Variants in KCNC1 observed in about 807,000 individuals in gnomAD.
The protein encoded by KCNC1 is potassium voltage-gated channel subfamily C member 1.
Under a neutral mutation model 43.4 loss-of-function variants are expected in KCNC1, and 8 were observed. The observed-to-expected ratio is 0.18, with a 90% CI of 0.11 to 0.33. The LOEUF (loss-of-function observed/expected upper bound fraction) is 0.33. Among genes scored for constraint, KCNC1 ranks in the 10% least tolerant of loss-of-function variants. The pLI is 1.00. For synonymous variants in KCNC1, 361 were observed against 360.5 expected, an observed-to-expected ratio of 1.00 and a Z score of -0.01; for missense variants, 420 against 836.0, an observed-to-expected ratio of 0.50 and a Z score of 6.14.
Position 17,773,113 on chromosome 11 carries a change from G to T in KCNC1, c.1504+515G>T. ...GGTCCCTTGCAAAGGCAGGTGCAAG[G>T]GTTCTCACCCCCGGCAGAGCCTGTC... On this transcript the variant is annotated intron_variant, in intron 2 of 3. Transcript: ENST00000265969. The surrounding 1 kb of genome is among the most constrained non-coding windows in gnomAD (Gnocchi z 4.1). 3 of 991,278 alleles carry T rather than the reference G, an allele frequency of 3.0e-6. No homozygotes were observed. Among genetic ancestry groups the T allele is most frequent in the Non-Finnish European group, 3.6e-6 (3 of 833,848 alleles). The allele number at this position is 991,278 out of a possible 1,614,324, so 61.4% of individuals were successfully genotyped here.
chr11:17,777,898 G>A lies in KCNC1; in HGVS notation c.1505-1558G>A, dbSNP rs1045156412. ...AATCCCACCCACGTGCACGCCCAGCGTGTGCACGTGGGGAAGGATCACTTC... is the reference window on the plus strand; with the variant it reads ...AATCCCACCCACGTGCACGCCCAGCATGTGCACGTGGGGAAGGATCACTTC... On this transcript the variant is annotated intron_variant, in intron 2 of 3. Transcript: ENST00000265969. The surrounding 1 kb of genome is among the most constrained non-coding windows in gnomAD (Gnocchi z 4.3). 4.7e-5 allele frequency: 45 copies of A among 959,556 alleles called. 1 individual carries two copies. In the South Asian group the frequency reaches 6.3e-4, roughly 13 times the overall value. 59.4% of individuals were successfully genotyped at this position (959,556 alleles called of 1,614,324 possible).
intron 1 of KCNC1, among the ~76,000 whole-genome samples, chr11:17,762,405 G>A (rs1283738334): frequency 2.0e-5 from 3 of 152,212 alleles, no homozygotes; most frequent in Non-Finnish European, 4.4e-5. Context: ...AGGCTCAGCG[G>A]TGTGTCTGAA....
chr11:17,772,453 A>T lies in KCNC1; in HGVS notation c.1359A>T (p.Pro453=), dbSNP rs1325438274. The change falls in exon 2 of 4, where the codon CCA becomes CCT. Residue 453 remains proline (P), a synonymous_variant. Coordinates refer to ENST00000265969, the MANE Select transcript of KCNC1 (RefSeq NM_001112741.2). ...TAGCCATGGCTAAGCAGAAACTACC[A>T]AAGAAAAAAAAGAAGCATATTCCGC... ...YSLAMAKQKL[P]KKKKKHIPRP... 3.1e-6 allele frequency: 5 copies of T among 1,614,206 alleles called. No individual in the cohort carries two copies. The highest frequency in any genetic ancestry group is 4.2e-6 in the Non-Finnish European group (5 of 1,180,046).
At chr11:17,745,451 C>G (rs895529469) in intron 1 of KCNC1, among the ~76,000 whole-genome samples, 4 of 152,216 alleles carry the variant, frequency 2.6e-5, no homozygotes, top group African/African-American at 7.2e-5. Context: ...CAGCTACCCC[C>G]CCGTGGAAGC....
At position 17,739,410 on chromosome 11, in the gene KCNC1, G is replaced by A. The variant is rs1329161481; in HGVS notation, c.570+2838G>A. On this transcript the variant is annotated intron_variant, in intron 1 of 3. Coordinates refer to ENST00000265969, the MANE Select transcript of KCNC1 (RefSeq NM_001112741.2). The surrounding 1 kb of genome is among the most constrained non-coding windows in gnomAD (Gnocchi z 4.2). ...GTGTGTGTGTGTGTGGTGAGACTGC[G>A]ACTCTGTGCGAGCTTCCTGAGTCCT... 3.4e-5 allele frequency among the ~76,000 whole-genome samples: 5 copies of A among 148,196 alleles called. No homozygotes were observed. Among genetic ancestry groups the A allele is most frequent in the African/African-American group, 7.5e-5 (3 of 40,198 alleles).
At chr11:17,745,142 G>A (rs1194869602) in intron 1 of KCNC1, among the ~76,000 whole-genome samples, 10 of 152,184 alleles carry the variant, frequency 6.6e-5, no homozygotes, top group Non-Finnish European at 1.5e-5. Context: ...GAGAAGTGCT[G>A]ATGCAGGCAG....
chr11:17,777,788 A>G lies in KCNC1; in HGVS notation c.1505-1668A>G. 3 of 986,140 alleles carry G rather than the reference A, an allele frequency of 3.0e-6. No homozygotes were observed. Among genetic ancestry groups the G allele is most frequent in the Non-Finnish European group, 3.6e-6 (3 of 829,982 alleles). 61.1% of individuals were successfully genotyped at this position (986,140 alleles called of 1,614,324 possible). On this transcript the variant is annotated intron_variant, in intron 2 of 3. Transcript: ENST00000265969. The surrounding 1 kb of genome is among the most constrained non-coding windows in gnomAD (Gnocchi z 4.3). The stretch of plus-strand genomic sequence containing the variant: ...CAAAATTATGATGGGATTTTTTTGG[A>G]TTTGCTTTACGAATAAATCTGATTG...
chr11:17,766,967 C>CAA (rs33931057), intron 1 of KCNC1, among the ~76,000 whole-genome samples: 97,476 of 133,102 alleles, frequency 0.73, 35,851 homozygotes, highest in East Asian at 0.97. Flanking sequence ...TAAAAAATAC[C>CAA]AAAAAAAAAA....
intron 1 of KCNC1, among the ~76,000 whole-genome samples, chr11:17,755,881 A>G (rs1336426955): frequency 2.0e-5 from 3 of 152,178 alleles, no homozygotes; most frequent in African/African-American, 7.2e-5. Context: ...TGGGTTAACC[A>G]CTAAGGATGT....
At chr11:17,748,156 G>A (rs1003447844) in intron 1 of KCNC1, among the ~76,000 whole-genome samples, 1 of 152,072 alleles carries the variant, frequency 6.6e-6, no homozygotes, top group African/African-American at 2.4e-5. Flanking sequence ...AGCCCAGGGC[G>A]CACTGGAGTG....
rs562425039 is a variant in KCNC1 at position 17,742,816 on chromosome 11, G to A, written c.570+6244G>A. On this transcript the variant is annotated intron_variant, in intron 1 of 3. Coordinates refer to ENST00000265969, the MANE Select transcript of KCNC1 (RefSeq NM_001112741.2). The surrounding 1 kb of genome is among the most constrained non-coding windows in gnomAD (Gnocchi z 4.2). ...CACAGCCTAGGCCTCTGGTCCCAGGGCCTGACCATCTGAATTTCTTTTGGC... is the reference window on the plus strand; with the variant it reads ...CACAGCCTAGGCCTCTGGTCCCAGGACCTGACCATCTGAATTTCTTTTGGC... Among the ~76,000 whole-genome samples, 2 of 152,336 alleles carry A rather than the reference G, an allele frequency of 1.3e-5. No individual in the cohort carries two copies. Among genetic ancestry groups the A allele is most frequent in the South Asian group, 4.1e-4 (2 of 4,824 alleles).
At position 17,735,725 on chromosome 11, in the gene KCNC1, C is replaced by G. The variant is rs1450398374; in HGVS notation, c.-278C>G. ...CCTCCCTTTCTCCCTCCCTTCTTTC[C>G]TCCTCTGCCTCCTCCGCTGCCGGAC... On this transcript the variant is annotated 5_prime_UTR_variant, in exon 1 of 4. Transcript: ENST00000265969. This position sits in a 1 kb window ranked among gnomAD's most constrained non-coding sequence, Gnocchi z 6.7. The G allele has an allele frequency of 5.6e-6, 1 of 177,350 alleles. No homozygotes were observed. Among genetic ancestry groups the G allele is most frequent in the African/African-American group, 2.5e-5 (1 of 40,418 alleles). The allele number at this position is 177,350 out of a possible 1,614,324, so 11.0% of individuals were successfully genotyped here.
chr11:17,779,464 C>A lies in KCNC1; in HGVS notation c.1513C>A (p.Leu505Met). The A allele has an allele frequency of 5.2e-6, 8 of 1,545,144 alleles. No individual in the cohort carries two copies. The highest frequency in any genetic ancestry group is 7.0e-6 in the Non-Finnish European group (8 of 1,144,380). The change falls in exon 3 of 4, where the codon CTG becomes ATG. Residue 505 changes from leucine to methionine, a missense_variant. Around this residue, in one of 5 missense-constraint regions of KCNC1, gnomAD observed 147 missense variants for 176.1 expected, o/e 0.83. Coordinates refer to ENST00000265969, the MANE Select transcript of KCNC1 (RefSeq NM_001112741.2). This position sits in a 1 kb window ranked among gnomAD's most constrained non-coding sequence, Gnocchi z 7.2. ...TGCTTATATGTTTGAAGATTCCAAA[C>A]TGAATGGGGAGGTGGCGAAGGCCGC... ...ILEINRADSK[L>M]NGEVAKAALA...
chr11:17,772,243 C>T lies in KCNC1; in HGVS notation c.1149C>T (p.His383=), dbSNP rs555654219. 32 of 1,614,152 alleles carry T rather than the reference C, an allele frequency of 2.0e-5. 1 individual carries two copies. In the South Asian group the frequency reaches 3.2e-4, roughly 16 times the overall value. Residue 383 remains histidine (H), a synonymous_variant, in exon 2 of 4, where the codon CAC becomes CAT. Transcript: ENST00000265969. ...PNDPSASEHT[H]FKNIPIGFWW... is the part of the protein sequence containing the mutation. ...ACCCCAGCGCCAGTGAGCACACGCA[C>T]TTTAAGAACATCCCCATCGGCTTCT... is the stretch of plus-strand genomic sequence containing the variant.
At chr11:17,765,842 G>A (rs1031674618) in intron 1 of KCNC1, 8 of 152,356 alleles carry the variant, frequency 5.3e-5, no homozygotes, top group Non-Finnish European at 8.8e-5. Context: ...TCCTGGGTGT[G>A]GTGGGACTCA....
chr11:17,755,644 G>C (rs2133791508), intron 1 of KCNC1, among the ~76,000 whole-genome samples: 1 of 152,220 alleles, frequency 6.6e-6, no homozygotes, highest in African/African-American at 2.4e-5. Context: ...TGTCCTGGAA[G>C]GATGGAGACA....
At chr11:17,778,487 G>A (rs1849309607) in intron 2 of KCNC1, among the ~76,000 whole-genome samples, 1 of 152,272 alleles carries the variant, frequency 6.6e-6, no homozygotes, top group African/African-American at 2.4e-5. Flanking sequence ...TCCATGTCCT[G>A]CTGCCACAGC....
chr11:17,742,646 A>T lies in KCNC1; in HGVS notation c.570+6074A>T, dbSNP rs1848855978. Among the ~76,000 whole-genome samples the T allele has an allele frequency of 6.6e-6, 1 of 152,218 alleles. No individual in the cohort carries two copies. Among genetic ancestry groups the T allele is most frequent in the Admixed American group, 6.5e-5 (1 of 15,290 alleles). On this transcript the variant is annotated intron_variant, in intron 1 of 3. Coordinates refer to ENST00000265969, the MANE Select transcript of KCNC1 (RefSeq NM_001112741.2). This position sits in a 1 kb window ranked among gnomAD's most constrained non-coding sequence, Gnocchi z 4.2. ...GGGAACCATTTAGGTGGTAGGGACC[A>T]CTTCACATATGCATGGGACTATTGC...
In KCNC1 at chr11:17,776,694, A is replaced by C; in HGVS notation, c.1505-2762A>C. The C allele has an allele frequency of 1.0e-6, 1 of 985,182 alleles. No homozygotes were observed. The highest frequency in any genetic ancestry group is 1.2e-6 in the Non-Finnish European group (1 of 829,872). The allele number at this position is 985,182 out of a possible 1,614,324, so 61.0% of individuals were successfully genotyped here. A position where few individuals can be genotyped will look rare whatever the true frequency, so the allele number is the denominator to read the frequency against. ...GCAGGGCCCCCAGCCTCTGGAAAGC[A>C]GGTGGGAATGGAGGCTCCTAGCCAC... is the stretch of plus-strand genomic sequence containing the variant. On this transcript the variant is annotated intron_variant, in intron 2 of 3. Transcript: ENST00000265969. This position sits in a 1 kb window ranked among gnomAD's most constrained non-coding sequence, Gnocchi z 4.4.
Sources: gnomAD v4.1 joint callset for allele counts (sites outside exome capture counted in the v4.1 genomes callset) on GRCh38, gnomAD v4.1.1 for gene constraint, gnomAD v4.1.1 regional missense constraint, Gnocchi (gnomAD v3.1) non-coding constraint, MANE v1.5 for transcripts, NCBI Gene and HGNC (gene_info 2026-07-23, HGNC 2026-07-21) for gene names.